Variants in WDR7 observed in about 807,000 individuals in gnomAD.
WDR7 encodes WD repeat-containing protein 7.
WDR7 carries 46 observed loss-of-function variants against 169.4 expected under a neutral mutation model. That is an observed-to-expected ratio of 0.27 (90% CI 0.21 to 0.35). The LOEUF (loss-of-function observed/expected upper bound fraction) is 0.35. WDR7 is among the 10% of genes least tolerant of loss of function. The probability of loss-of-function intolerance (pLI) is 1.00; values close to 1 mark genes in which losing one functional copy is unlikely to be tolerated. For missense variants in WDR7, 1,534 were observed against 1,859.3 expected (o/e 0.83, Z 3.22); for synonymous variants, 612 against 666.8 (o/e 0.92, Z 1.27).
chr18:57,006,383 T>G (rs1368228202), intron 26 of WDR7, among the ~76,000 whole-genome samples: 1 of 152,174 alleles, frequency 6.6e-6, no homozygotes, highest in Non-Finnish European at 1.5e-5. Flanking sequence ...ACAAGTGGGC[T>G]TGTGTTATTG....
intron 11 of WDR7, 93 bp downstream of exon 11, chr18:56,695,291 G>C (rs1308353546): frequency 1.1e-5 from 16 of 1,476,344 alleles, no homozygotes; most frequent in Non-Finnish European, 1.5e-5. Context: ...AATAAATACA[G>C]TGAATCAGTG....
chr18:56,738,315 A>T (rs2026745208), intron 14 of WDR7, among the ~76,000 whole-genome samples: 1 of 152,148 alleles, frequency 6.6e-6, no homozygotes, highest in African/African-American at 2.4e-5. Context: ...CATGCCTGTA[A>T]TCCTAGCACA....
At chr18:56,838,663 C>G (rs1174110870) in intron 20 of WDR7, among the ~76,000 whole-genome samples, 1 of 152,078 alleles carries the variant, frequency 6.6e-6, no homozygotes, top group African/African-American at 2.4e-5. Flanking sequence ...AAGACACAGC[C>G]TGTATTTTAA....
At chr18:56,845,215 A>C (rs995280433) in intron 20 of WDR7, among the ~76,000 whole-genome samples, 4 of 152,156 alleles carry the variant, frequency 2.6e-5, no homozygotes, top group African/African-American at 9.6e-5. Context: ...GATCTTTACT[A>C]ACCAAAAGAT....
chr18:56,703,532 T>C (rs2025879389), intron 12 of WDR7, among the ~76,000 whole-genome samples: 1 of 152,202 alleles, frequency 6.6e-6, no homozygotes, highest in Non-Finnish European at 1.5e-5. Flanking sequence ...CATTATTTTC[T>C]TAAAATACAA....
chr18:57,017,273 G>A (rs1480623984), intron 26 of WDR7, among the ~76,000 whole-genome samples: 1 of 152,236 alleles, frequency 6.6e-6, no homozygotes, highest in Non-Finnish European at 1.5e-5. Flanking sequence ...ATTTAAAACA[G>A]CGAACTTCCC....
intron 1 of WDR7, among the ~76,000 whole-genome samples, chr18:56,665,954 T>A (rs603210): frequency 0.95 from 143,893 of 152,040 alleles, 68,589 homozygotes; most frequent in East Asian, 1. Flanking sequence ...GATATCCTGA[T>A]TTGTGAGGGG....
At chr18:56,938,729 T>C (rs1268558345) in intron 24 of WDR7, 47 bp downstream of exon 24, 1 of 1,601,084 alleles carries the variant, frequency 6.2e-7, no homozygotes, top group Admixed American at 1.7e-5. Flanking sequence ...CTAAATTAAA[T>C]ATTCTAATGA....
intron 22 of WDR7, among the ~76,000 whole-genome samples, chr18:56,933,687 T>C (rs111851048): frequency 0.012 from 1,771 of 152,368 alleles, 41 homozygotes; most frequent in African/African-American, 0.041. Context: ...CTCCCCCGTG[T>C]ATTGTCTCCA....
chr18:56,680,183 C>G (rs957019111), intron 3 of WDR7, among the ~76,000 whole-genome samples: 1 of 152,122 alleles, frequency 6.6e-6, no homozygotes, highest in Non-Finnish European at 1.5e-5. Context: ...ATGTTAAAAC[C>G]CTGTCTCTAC....
At chr18:56,683,175 A>C (rs2025382702) in intron 5 of WDR7, among the ~76,000 whole-genome samples, 2 of 152,196 alleles carry the variant, frequency 1.3e-5, no homozygotes, top group South Asian at 4.2e-4. Flanking sequence ...CTGTAGTTTT[A>C]CCTGTATATT....
chr18:56,684,501 G>T (rs1025586800), intron 5 of WDR7, among the ~76,000 whole-genome samples: 1 of 152,296 alleles, frequency 6.6e-6, no homozygotes, highest in East Asian at 1.9e-4. Flanking sequence ...ACAGCCAGTG[G>T]GCTGGAGTTG....
At chr18:56,811,790 T>C (rs1437665006) in intron 19 of WDR7, among the ~76,000 whole-genome samples, 29 of 152,166 alleles carry the variant, frequency 1.9e-4, no homozygotes, top group Admixed American at 1.8e-3. Flanking sequence ...TTTGGCAGAT[T>C]GGTGTTTGTC....
chr18:56,784,403 G>A (rs1244039088), intron 19 of WDR7, among the ~76,000 whole-genome samples: 1 of 152,068 alleles, frequency 6.6e-6, no homozygotes, highest in African/African-American at 2.4e-5. Flanking sequence ...TACCCAATAC[G>A]TAGCTTTTTT....
chr18:56,832,296 CT>C (rs1401528935), intron 20 of WDR7, among the ~76,000 whole-genome samples: 1 of 152,232 alleles, frequency 6.6e-6, no homozygotes, highest in African/African-American at 2.4e-5. Flanking sequence ...CTAGATTCCT[CT>C]TCTCTGGGCA....
At chr18:56,867,544 TAGGG>T (rs1017667338) in intron 20 of WDR7, among the ~76,000 whole-genome samples, 2 of 152,098 alleles carry the variant, frequency 1.3e-5, no homozygotes, top group African/African-American at 4.8e-5. Context: ...GGGAGATAGA[TAGGG>T]AGGATTTTGA....
Position 56,939,391 on chromosome 18 carries a change from C to T in WDR7, c.4062C>T (p.Cys1354=). 3 of 1,567,056 alleles carry T rather than the reference C, an allele frequency of 1.9e-6. No individual in the cohort carries two copies. The highest frequency in any genetic ancestry group is 2.6e-6 in the Non-Finnish European group (3 of 1,155,540). ...KGLQECFPAI[C]RFYMVSYYER... ...TTCAAGAATGTTTCCCAGCCATCTG[C>T]AGGTAAAGAAGCCTTCAAGAGCATG... The change falls in exon 25 of 28, where the codon TGC becomes TGT. Residue 1354 remains cysteine, a splice_region_variant and synonymous_variant. Coordinates refer to ENST00000254442, the MANE Select transcript of WDR7 (RefSeq NM_015285.3).
intron 1 of WDR7, among the ~76,000 whole-genome samples, chr18:56,663,277 TAAC>T (rs1407888093): frequency 6.6e-6 from 1 of 152,198 alleles, no homozygotes; most frequent in Non-Finnish European, 1.5e-5. Context: ...ATTCAGTCCA[TAAC>T]AACAACCAAA....
intron 13 of WDR7, among the ~76,000 whole-genome samples, chr18:56,729,627 GAC>G (rs1342010069): frequency 6.6e-6 from 1 of 151,726 alleles, no homozygotes; most frequent in Non-Finnish European, 1.5e-5. Context: ...ATAAATTATT[GAC>G]ACAGTCTACT....
Sources: allele counts gnomAD v4.1 joint callset (sites outside exome capture counted in the v4.1 genomes callset), GRCh38; gene constraint gnomAD v4.1.1; transcripts MANE v1.5; gene names NCBI Gene and HGNC (gene_info 2026-07-23, HGNC 2026-07-21).